The following SYBU variants were observed in gnomAD, a reference collection of about 807,000 sequenced individuals.
The protein encoded by SYBU is GOLSYN A protein.
Under a neutral mutation model 35.9 loss-of-function variants are expected in SYBU, and 21 were observed. The observed-to-expected ratio is 0.58, with a 90% CI of 0.41 to 0.84. The LOEUF is 0.84. Ranked by LOEUF, SYBU falls within the 40% of genes least tolerant of loss-of-function variation. The pLI, the probability that SYBU is intolerant of heterozygous loss-of-function variation, is 0.00. For missense variants in SYBU, 768 were observed against 848.2 expected (o/e 0.91, Z 1.17); for synonymous variants, 319 against 324.3 (o/e 0.98, Z 0.18).
At position 109,606,442 on chromosome 8, in the gene SYBU, A is replaced by G. The variant is rs2130151508; in HGVS notation, c.427+12400T>C. ...AAGAAAAGTTTTAGAGAAAAGAGTC[A>G]GATATTTTGAGGTTAAAAATAAATC... On this transcript the variant is annotated intron_variant, in intron 3 of 6. Transcript: ENST00000276646. Among the ~76,000 whole-genome samples the G allele has an allele frequency of 2.0e-5, 3 of 152,316 alleles. No individual in the cohort carries two copies. The South Asian group carries it at 6.2e-4, about 32-fold the overall frequency.
At chr8:109,593,881 C>G (rs1052941186) in intron 3 of SYBU, among the ~76,000 whole-genome samples, 4 of 152,160 alleles carry the variant, frequency 2.6e-5, no homozygotes, top group Non-Finnish European at 5.9e-5. Flanking sequence ...TTACATCCAC[C>G]GTGGTCATAA....
At chr8:109,616,171 C>T (rs1355616774) in intron 3 of SYBU, among the ~76,000 whole-genome samples, 1 of 151,676 alleles carries the variant, frequency 6.6e-6, no homozygotes, top group Non-Finnish European at 1.5e-5. Flanking sequence ...ACCACCACGC[C>T]TGGCTAATTT....
upstream of SYBU, chr8:109,645,994 T>C (rs1815655592): frequency 6.6e-6 from 1 of 152,262 alleles, no homozygotes; most frequent in Non-Finnish European, 1.5e-5. Flanking sequence ...CCAGTCAATA[T>C]TTGTTGATGC....
chr8:109,681,816 C>T (rs536806569), upstream of SYBU, among the ~76,000 whole-genome samples: 1 of 152,226 alleles, frequency 6.6e-6, no homozygotes, highest in East Asian at 1.9e-4. Flanking sequence ...CCATAAACTG[C>T]ACGTGTCATG....
chr8:109,626,029 T>C (rs1812944822), intron 2 of SYBU, among the ~76,000 whole-genome samples: 1 of 152,336 alleles, frequency 6.6e-6, no homozygotes, highest in Non-Finnish European at 1.5e-5. Context: ...TTACATGTAT[T>C]TAATTGTTTG....
At chr8:109,605,629 C>T (rs1003343096) in intron 3 of SYBU, among the ~76,000 whole-genome samples, 2 of 152,200 alleles carry the variant, frequency 1.3e-5, no homozygotes, top group Non-Finnish European at 2.9e-5. Context: ...TCTGGGTCAA[C>T]TCTTCATGCG....
chr8:109,687,797 G>A (rs189525146), intron 1 of SYBU, among the ~76,000 whole-genome samples: 11 of 152,184 alleles, frequency 7.2e-5, no homozygotes, highest in African/African-American at 2.4e-4. Flanking sequence ...TTTTGGTTGG[G>A]TGACAGTAGA....
At chr8:109,591,657 G>A (rs888380043) in intron 3 of SYBU, among the ~76,000 whole-genome samples, 6 of 149,916 alleles carry the variant, frequency 4.0e-5, no homozygotes, top group Non-Finnish European at 8.9e-5. Context: ...GACTACAGGC[G>A]CCCGCCACCA....
chr8:109,657,404 T>C (rs997883931), intron 1 of SYBU, among the ~76,000 whole-genome samples: 1 of 152,236 alleles, frequency 6.6e-6, no homozygotes, highest in Non-Finnish European at 1.5e-5. Context: ...ACCAAGGTTT[T>C]CTGGTAGTCT....
At chr8:109,647,841 A>G (rs1044909708), upstream of SYBU, 1 of 152,232 alleles carries the variant, frequency 6.6e-6, no homozygotes, top group African/African-American at 2.4e-5. Context: ...CGCCATAGCA[A>G]CCTAGCAGAG....
intron 1 of SYBU, among the ~76,000 whole-genome samples, chr8:109,662,264 A>C (rs1041522903): frequency 6.6e-6 from 1 of 152,222 alleles, no homozygotes; most frequent in African/African-American, 2.4e-5. Flanking sequence ...TACATCAATA[A>C]ATGCAACCTG....
upstream of SYBU, chr8:109,647,120 C>G (rs1815778876): frequency 6.6e-6 from 1 of 152,214 alleles, no homozygotes; most frequent in Admixed American, 6.5e-5. Flanking sequence ...AATACTGAAA[C>G]TCCTTAATGT....
Position 109,691,534 on chromosome 8 carries a change from C to G in SYBU, c.-259G>C. On this transcript the variant is annotated 5_prime_UTR_variant, in exon 1 of 8. Coordinates refer to the SYBU transcript ENST00000422135. This position sits in a 1 kb window ranked among gnomAD's most constrained non-coding sequence, Gnocchi z 4.7. ...TTGGACACGTGGTGCCGCGGAATCC[C>G]TTGCGCTCCGGTGCCCTCGGCCCCT... 1 of 474,736 alleles carries G rather than the reference C, an allele frequency of 2.1e-6. No individual in the cohort carries two copies. Among genetic ancestry groups the G allele is most frequent in the Non-Finnish European group, 3.7e-6 (1 of 272,670 alleles). 29.4% of individuals were successfully genotyped at this position (474,736 alleles called of 1,614,324 possible).
intron 1 of SYBU, chr8:109,643,211 A>C: frequency 9.0e-7 from 1 of 1,111,766 alleles, no homozygotes; most frequent in South Asian, 4.4e-5. Flanking sequence ...AGGCCATCCT[A>C]CTTCCCTATG....
At position 109,606,653 on chromosome 8, in the gene SYBU, C is replaced by T. The variant is rs553602778; in HGVS notation, c.427+12189G>A. Among the ~76,000 whole-genome samples, 20 of 152,270 alleles carry T rather than the reference C, an allele frequency of 1.3e-4. No homozygotes were observed. In the South Asian group the frequency reaches 3.9e-3, roughly 30 times the overall value. On this transcript the variant is annotated intron_variant, in intron 3 of 6. Transcript: ENST00000276646. ...ACACACCCATGTTTGTCTGCTATTCCATCTACTGTTAGAAATTATACTTAT... is the reference window on the plus strand; with the variant it reads ...ACACACCCATGTTTGTCTGCTATTCTATCTACTGTTAGAAATTATACTTAT...
chr8:109,589,302 A>G (rs530204986), intron 3 of SYBU, among the ~76,000 whole-genome samples: 5 of 152,248 alleles, frequency 3.3e-5, no homozygotes, highest in Non-Finnish European at 7.3e-5. Context: ...TCTGTGTCCC[A>G]GTTTCCTAAT....
chr8:109,676,462 C>T (rs577413805), intron 1 of SYBU, among the ~76,000 whole-genome samples: 1 of 152,250 alleles, frequency 6.6e-6, no homozygotes, highest in Admixed American at 6.5e-5. Flanking sequence ...TATCAATGTG[C>T]AAAAATCACA....
At chr8:109,649,280 G>T (rs1816013913), upstream of SYBU, among the ~76,000 whole-genome samples, 1 of 151,988 alleles carries the variant, frequency 6.6e-6, no homozygotes, top group Admixed American at 6.6e-5. Context: ...AGGGTTACAG[G>T]CATTAGCCAC....
intron 1 of SYBU, among the ~76,000 whole-genome samples, chr8:109,675,720 G>C (rs915857909): frequency 5.3e-5 from 8 of 152,196 alleles, no homozygotes; most frequent in African/African-American, 1.9e-4. Context: ...ACAAAGAGGA[G>C]CTGGTACTGT....
Sources: gnomAD v4.1 joint callset for allele counts (sites outside exome capture counted in the v4.1 genomes callset) on GRCh38, gnomAD v4.1.1 for gene constraint, Gnocchi (gnomAD v3.1) non-coding constraint, MANE v1.5 for transcripts, NCBI Gene and HGNC (gene_info 2026-07-23, HGNC 2026-07-21) for gene names.